Variants in NR6A1 observed in about 807,000 individuals in gnomAD.
NR6A1 encodes nuclear receptor subfamily 6 group A member 1.
NR6A1 carries 7 observed loss-of-function variants against 59.1 expected under a neutral mutation model. The ratio of observed to expected loss-of-function variants is 0.12; its 90% confidence interval spans 0.07 to 0.22. NR6A1 has a LOEUF of 0.22. Ranked by LOEUF, NR6A1 falls within the 10% of genes least tolerant of loss-of-function variation. The probability of loss-of-function intolerance (pLI) is 1.00; values close to 1 mark genes in which losing one functional copy is unlikely to be tolerated. For synonymous variants in NR6A1, 243 were observed against 236.1 expected, an observed-to-expected ratio of 1.03 and a Z score of -0.27; for missense variants, 468 against 611.6, an observed-to-expected ratio of 0.77 and a Z score of 2.48.
intron 2 of NR6A1, among the ~76,000 whole-genome samples, chr9:124,613,337 A>T (rs929255991): frequency 6.6e-6 from 1 of 152,120 alleles, no homozygotes; most frequent in Non-Finnish European, 1.5e-5. Flanking sequence ...TGTCTCTAAA[A>T]TAAAATTAAA....
At chr9:124,749,001 G>A (rs907240960) in intron 1 of NR6A1, among the ~76,000 whole-genome samples, 6 of 152,212 alleles carry the variant, frequency 3.9e-5, no homozygotes, top group East Asian at 3.9e-4. Flanking sequence ...GGTGGCTCAC[G>A]CCTGTAACCC....
chr9:124,645,636 T>C (rs1836909348), intron 2 of NR6A1, among the ~76,000 whole-genome samples: 1 of 152,082 alleles, frequency 6.6e-6, no homozygotes, highest in South Asian at 2.1e-4. Flanking sequence ...AATGTCAAAA[T>C]ACCTGAAGCA....
chr9:124,616,160 G>A (rs1036715353), intron 2 of NR6A1, among the ~76,000 whole-genome samples: 8 of 151,928 alleles, frequency 5.3e-5, no homozygotes, highest in Admixed American at 2.0e-4. Context: ...CACTTTGGGA[G>A]GCCGAGGTGA....
At chr9:124,700,844 T>C (rs137931326) in intron 2 of NR6A1, among the ~76,000 whole-genome samples, 1,547 of 138,920 alleles carry the variant, frequency 0.011, 26 homozygotes, top group African/African-American at 0.039. Context: ...CACTGCAACC[T>C]CTACCTCCCA....
intron 2 of NR6A1, among the ~76,000 whole-genome samples, chr9:124,612,735 C>A (rs1304973541): frequency 6.6e-6 from 1 of 151,452 alleles, no homozygotes; most frequent in Non-Finnish European, 1.5e-5. Flanking sequence ...GTAAGGTAAA[C>A]CCCCATATAT....
intron 2 of NR6A1, among the ~76,000 whole-genome samples, chr9:124,722,603 T>C (rs959471579): frequency 1.3e-5 from 2 of 152,162 alleles, no homozygotes; most frequent in African/African-American, 2.4e-5. Context: ...CCAGGCTTTC[T>C]TTTTATCTTG....
chr9:124,558,725 C>A (rs979281520), intron 2 of NR6A1, among the ~76,000 whole-genome samples: 1 of 152,064 alleles, frequency 6.6e-6, no homozygotes, highest in Admixed American at 6.6e-5. Context: ...AAGCTGGAAG[C>A]CTCAAAAGTC....
intron 1 of NR6A1, among the ~76,000 whole-genome samples, chr9:124,751,657 C>G (rs1054829001): frequency 2.0e-5 from 3 of 152,046 alleles, no homozygotes; most frequent in Non-Finnish European, 4.4e-5. Context: ...GAGTCTGGTG[C>G]CTGGGATTAA....
intron 2 of NR6A1, among the ~76,000 whole-genome samples, chr9:124,703,097 G>T (rs1211886395): frequency 6.6e-6 from 1 of 151,714 alleles, no homozygotes; most frequent in East Asian, 1.9e-4. Context: ...TAGAAACAGG[G>T]TTTCACCATG....
chr9:124,731,109 C>T (rs990337588), intron 2 of NR6A1, among the ~76,000 whole-genome samples: 2 of 152,028 alleles, frequency 1.3e-5, no homozygotes, highest in African/African-American at 2.4e-5. Flanking sequence ...CAGTGGTTCA[C>T]GCCTGTAATC....
intron 1 of NR6A1, among the ~76,000 whole-genome samples, chr9:124,742,346 T>C (rs949911349): frequency 2.7e-5 from 4 of 149,830 alleles, no homozygotes; most frequent in African/African-American, 9.9e-5. Context: ...GCAGATCACC[T>C]GAGGTTAGGA....
At chr9:124,657,314 C>A (rs1837289245) in intron 2 of NR6A1, among the ~76,000 whole-genome samples, 1 of 152,006 alleles carries the variant, frequency 6.6e-6, no homozygotes, top group African/African-American at 2.4e-5. Flanking sequence ...GCAAAAGAGA[C>A]AGATGGAATT....
At chr9:124,566,834 C>T (rs541286146) in intron 2 of NR6A1, among the ~76,000 whole-genome samples, 5 of 152,274 alleles carry the variant, frequency 3.3e-5, no homozygotes, top group African/African-American at 9.6e-5. Flanking sequence ...ACAGGCCGGG[C>T]GCGGTGGCTC....
Position 124,518,885 on chromosome 9 carries a change from C to G in NR6A1, c.*3820G>C, listed in dbSNP as rs927025132. ...AAGCAACAAGGAAAAAAGATACACACCAGGGGCCCAGAGAGGAGGGCCTGG... is the reference window on the plus strand; with the variant it reads ...AAGCAACAAGGAAAAAAGATACACAGCAGGGGCCCAGAGAGGAGGGCCTGG... On this transcript the variant is annotated 3_prime_UTR_variant, in exon 10 of 10. Transcript: ENST00000487099. 6.6e-6 allele frequency: 1 copy of G among 151,800 alleles called. No homozygotes were observed. Among genetic ancestry groups the G allele is most frequent in the Non-Finnish European group, 1.5e-5 (1 of 67,994 alleles). The allele number at this position is 151,800 out of a possible 1,614,324, so 9.4% of individuals were successfully genotyped here. A position where few individuals can be genotyped will look rare whatever the true frequency, so the allele number is the denominator to read the frequency against.
At chr9:124,607,866 G>A (rs1374955595) in intron 2 of NR6A1, among the ~76,000 whole-genome samples, 1 of 152,070 alleles carries the variant, frequency 6.6e-6, no homozygotes. Context: ...GCAACATAGC[G>A]TAACCCTGTC....
intron 2 of NR6A1, among the ~76,000 whole-genome samples, chr9:124,725,245 C>A (rs1839678817): frequency 1.3e-5 from 2 of 152,168 alleles, no homozygotes; most frequent in Non-Finnish European, 2.9e-5. Context: ...TACAGGGACA[C>A]TTCTTGTAGA....
intron 2 of NR6A1, among the ~76,000 whole-genome samples, chr9:124,632,957 C>T (rs895040994): frequency 6.6e-6 from 1 of 152,122 alleles, no homozygotes; most frequent in African/African-American, 2.4e-5. Context: ...AGCTACAATG[C>T]TCTAGATTAT....
chr9:124,574,059 A>G (rs1244303353), intron 2 of NR6A1, among the ~76,000 whole-genome samples: 2 of 152,230 alleles, frequency 1.3e-5, no homozygotes, highest in African/African-American at 4.8e-5. Flanking sequence ...TTGTACTGAC[A>G]CTGGAATGTT....
chr9:124,636,746 T>C (rs1836621466), intron 2 of NR6A1, among the ~76,000 whole-genome samples: 1 of 152,226 alleles, frequency 6.6e-6, no homozygotes, highest in Non-Finnish European at 1.5e-5. Context: ...GATCTAATTC[T>C]AGGCTGTCTA....
Sources: allele counts gnomAD v4.1 joint callset (sites outside exome capture counted in the v4.1 genomes callset), GRCh38; gene constraint gnomAD v4.1.1; transcripts MANE v1.5; gene names NCBI Gene and HGNC (gene_info 2026-07-23, HGNC 2026-07-21).